Variants in DMD observed in about 807,000 individuals in gnomAD.
DMD encodes the protein dystrophin.
In DMD, 63 loss-of-function variants were observed where a neutral mutation model predicts 330.1. The observed-to-expected ratio is 0.19, with a 90% CI of 0.16 to 0.24. The LOEUF is 0.24. Among genes scored for constraint, DMD ranks in the 10% least tolerant of loss-of-function variants. The probability of loss-of-function intolerance (pLI) is 1.00; values close to 1 mark genes in which losing one functional copy is unlikely to be tolerated. For synonymous variants in DMD, 1,223 were observed against 959.8 expected, an observed-to-expected ratio of 1.27 and a Z score of -5.07; for missense variants, 3,344 against 2,684.1, an observed-to-expected ratio of 1.25 and a Z score of -5.43.
chrX:32,157,395 T>C (rs2096834423), intron 44 of DMD, among the ~76,000 whole-genome samples: 1 of 112,448 alleles, frequency 8.9e-6, no homozygotes, highest in Non-Finnish European at 1.9e-5. Flanking sequence ...AGGAGAAACA[T>C]ACCAATATTT....
At position 32,595,753 on chromosome X, in the gene DMD, T is replaced by G. The variant is rs2149264363; in HGVS notation, c.1602+4A>C. 1.7e-6 allele frequency: 2 copies of G among 1,210,477 alleles called. No individual in the cohort carries two copies. Among genetic ancestry groups the G allele is most frequent in the Non-Finnish European group, 2.2e-6 (2 of 894,294 alleles). On this transcript the variant is annotated splice_donor_region_variant and intron_variant, in intron 13 of 78. Coordinates refer to ENST00000357033, the MANE Select transcript of DMD (RefSeq NM_004006.3). The stretch of plus-strand genomic sequence containing the variant: ...ATTTAGTTTACTAAGCAAAATAATC[T>G]GACCTTAAGTTGTTCTTCCAAAGCA...
chrX:32,129,728 GGA>G (rs775873181), intron 44 of DMD, among the ~76,000 whole-genome samples: 5,684 of 21,378 alleles, frequency 0.27, 552 homozygotes, highest in African/African-American at 0.39. Context: ...AGAGAGGGAG[GGA>G]GAGAGAGAGA....
At chrX:31,425,695 T>TACACACACACACACACGCACAC (rs939732484) in intron 60 of DMD, among the ~76,000 whole-genome samples, 3 of 103,600 alleles carry the variant, frequency 2.9e-5, no homozygotes, top group African/African-American at 1.1e-4. Context: ...CAGGCATGAG[T>TACACACACACACACACGCACAC]ACACACACAC....
chrX:32,846,723 T>TA (rs10564725), intron 3 of DMD, among the ~76,000 whole-genome samples: 561 of 53,550 alleles, frequency 0.01, 8 homozygotes, highest in African/African-American at 0.032. Context: ...ACTTTAGATT[T>TA]AAAAAAAAAA....
chrX:31,823,675 G>A (rs2092825141), intron 49 of DMD, among the ~76,000 whole-genome samples: 1 of 110,157 alleles, frequency 9.1e-6, no homozygotes, highest in South Asian at 4.0e-4. Flanking sequence ...CGACTTCCTA[G>A]GCAATCCTCC....
At position 32,387,996 on chromosome X, in the gene DMD, A is replaced by C. The variant is rs2097971289; in HGVS notation, c.4518+1505T>G. On this transcript the variant is annotated intron_variant, in intron 32 of 78. Coordinates refer to ENST00000357033, the MANE Select transcript of DMD (RefSeq NM_004006.3). ...AAGTAAGACTTTTATAAATAGACAA[A>C]CATGTCTTGAAGGCAAGACTATGAT... 3.6e-5 allele frequency among the ~76,000 whole-genome samples: 4 copies of C among 111,742 alleles called. No homozygotes were observed. The South Asian group carries it at 1.5e-3, about 41-fold the overall frequency.
At chrX:32,491,546 T>A in intron 19 of DMD, 28 bp from the exon 20 acceptor site, 12 of 1,184,280 alleles carry the variant, frequency 1.0e-5, no homozygotes, top group Non-Finnish European at 1.3e-5. Flanking sequence ...ATTAAATATA[T>A]CCCCTGAACC....
At chrX:32,280,828 A>G (rs1317317238) in intron 43 of DMD, among the ~76,000 whole-genome samples, 1 of 112,107 alleles carries the variant, frequency 8.9e-6, no homozygotes, top group Non-Finnish European at 1.9e-5. Context: ...TTACCTTGAC[A>G]TGAAAGAAAA....
intron 2 of DMD, among the ~76,000 whole-genome samples, chrX:32,955,818 T>C (rs1268075150): frequency 8.9e-6 from 1 of 112,022 alleles, no homozygotes; most frequent in Non-Finnish European, 1.9e-5. Context: ...TGCTTGTTTT[T>C]GTCAGCTTTG....
intron 43 of DMD, among the ~76,000 whole-genome samples, chrX:32,244,788 G>A (rs1202837503): frequency 2.2e-4 from 16 of 74,021 alleles, no homozygotes; most frequent in East Asian, 7.0e-4. Flanking sequence ...CATGTCCTTC[G>A]CTCACTTTTT....
intron 7 of DMD, among the ~76,000 whole-genome samples, chrX:32,731,293 G>A (rs1235560758): frequency 2.7e-5 from 3 of 112,319 alleles, no homozygotes; most frequent in Admixed American, 9.4e-5. Flanking sequence ...TGCTAGCACA[G>A]CAGTCTGAGA....
At chrX:32,047,452 T>C (rs2096071958) in intron 44 of DMD, among the ~76,000 whole-genome samples, 2 of 112,060 alleles carry the variant, frequency 1.8e-5, no homozygotes, top group Admixed American at 1.9e-4. Context: ...GAACTTGAAA[T>C]ACACAGGTGT....
At chrX:32,335,920 T>C (rs369535702) in intron 41 of DMD, among the ~76,000 whole-genome samples, 1 of 106,034 alleles carries the variant, frequency 9.4e-6, no homozygotes, top group Non-Finnish European at 1.9e-5. Flanking sequence ...TGTATATATG[T>C]ATGTTATATA....
Position 32,422,701 on chromosome X carries a change from T to C in DMD, c.4072-10788A>G, listed in dbSNP as rs1055544510. 3.6e-5 allele frequency among the ~76,000 whole-genome samples: 4 copies of C among 111,828 alleles called. 1 individual carries two copies. On this transcript the variant is annotated intron_variant, in intron 29 of 78. Coordinates refer to ENST00000357033, the MANE Select transcript of DMD (RefSeq NM_004006.3). ...ATGATGAACTTGAAAAATATTTTTATTCCTCATTCCATCTAGGGACACTGG... is the reference window on the plus strand; with the variant it reads ...ATGATGAACTTGAAAAATATTTTTACTCCTCATTCCATCTAGGGACACTGG...
At chrX:33,152,595 G>A (rs921184822) in intron 1 of DMD, among the ~76,000 whole-genome samples, 1 of 110,110 alleles carries the variant, frequency 9.1e-6, no homozygotes, top group Non-Finnish European at 1.9e-5. Context: ...GTATTAAAGT[G>A]TGTGGAAGCC....
chrX:31,807,669 A>T (rs1360781167), intron 50 of DMD, among the ~76,000 whole-genome samples: 3 of 112,198 alleles, frequency 2.7e-5, no homozygotes, highest in African/African-American at 9.7e-5. Flanking sequence ...AATTCCACCC[A>T]CGGAGATTTA....
At chrX:32,784,791 GA>G (rs1415103018) in intron 7 of DMD, among the ~76,000 whole-genome samples, 1 of 111,520 alleles carries the variant, frequency 9.0e-6, no homozygotes, top group Non-Finnish European at 1.9e-5. Flanking sequence ...TTATTAGAAT[GA>G]AAAACATGCT....
intron 7 of DMD, among the ~76,000 whole-genome samples, chrX:32,762,643 T>G (rs2072469278): frequency 9.0e-6 from 1 of 110,525 alleles, no homozygotes; most frequent in Non-Finnish European, 1.9e-5. Context: ...CAGGAAGTTG[T>G]CAGCTATATA....
intron 50 of DMD, among the ~76,000 whole-genome samples, chrX:31,818,743 CA>C (rs61081476): frequency 0.14 from 13,132 of 95,201 alleles, 641 homozygotes; most frequent in Admixed American, 0.2. Flanking sequence ...CCCAGATTGA[CA>C]AAAAAAAAAA....
Sources: allele counts gnomAD v4.1 joint callset (sites outside exome capture counted in the v4.1 genomes callset), GRCh38; gene constraint gnomAD v4.1.1; transcripts MANE v1.5; gene names NCBI Gene and HGNC (gene_info 2026-07-23, HGNC 2026-07-21).